The following IL1RAPL2 variants were observed in gnomAD, a reference collection of about 807,000 sequenced individuals.
IL1RAPL2 encodes the protein X-linked interleukin-1 receptor accessory protein-like 2.
In IL1RAPL2, 3 loss-of-function variants were observed where a neutral mutation model predicts 44.1. The observed-to-expected ratio is 0.07, with a 90% CI of 0.03 to 0.18. IL1RAPL2 has a LOEUF of 0.18. IL1RAPL2 is among the 10% of genes least tolerant of loss of function. The pLI is 1.00. For missense variants in IL1RAPL2, 391 were observed against 496.4 expected, an observed-to-expected ratio of 0.79 and a Z score of 2.02; for synonymous variants, 181 against 178.8, an observed-to-expected ratio of 1.01 and a Z score of -0.10.
intron 2 of IL1RAPL2, among the ~76,000 whole-genome samples, chrX:105,009,546 C>G (rs1360645188): frequency 1.1e-5 from 1 of 93,313 alleles, no homozygotes; most frequent in African/African-American, 4.2e-5. Flanking sequence ...GGGAATTGAA[C>G]AATGAGAACA....
At chrX:105,032,405 C>T (rs2031522249) in intron 2 of IL1RAPL2, among the ~76,000 whole-genome samples, 1 of 108,388 alleles carries the variant, frequency 9.2e-6, no homozygotes, top group African/African-American at 3.4e-5. Context: ...TGAATGTGTC[C>T]CAGAGATTCT....
chrX:105,033,699 G>T (rs1350886608), intron 2 of IL1RAPL2, among the ~76,000 whole-genome samples: 2 of 110,692 alleles, frequency 1.8e-5, no homozygotes, highest in Non-Finnish European at 3.8e-5. Flanking sequence ...ACAATTATAT[G>T]TCTTGGAGTT....
intron 2 of IL1RAPL2, among the ~76,000 whole-genome samples, chrX:104,667,366 TG>T (rs1930502396): frequency 9.0e-6 from 1 of 111,428 alleles, no homozygotes; most frequent in Non-Finnish European, 1.9e-5. Context: ...ATTCAGAAAT[TG>T]ACCAGACATG....
intron 5 of IL1RAPL2, among the ~76,000 whole-genome samples, chrX:105,269,479 G>A (rs1395462571): frequency 9.0e-6 from 1 of 111,015 alleles, no homozygotes; most frequent in Non-Finnish European, 1.9e-5. Context: ...GTTTGATTTT[G>A]TAGAGTGCCT....
At chrX:104,893,715 A>C (rs1407022829) in intron 2 of IL1RAPL2, among the ~76,000 whole-genome samples, 1 of 111,692 alleles carries the variant, frequency 9.0e-6, no homozygotes, top group East Asian at 2.8e-4. Context: ...AATGCAGCAC[A>C]CTGATGGGTC....
At position 105,032,731 on chromosome X, in the gene IL1RAPL2, A is replaced by G. The variant is rs935614102; in HGVS notation, c.83-162744A>G. On this transcript the variant is annotated intron_variant, in intron 2 of 10. Transcript: ENST00000372582. ...ATTTGGGGTGGAGAGTTCTGTAGAT[A>G]TCTATTAGGTTCGCTTGGTACAGAG... 1.5e-4 allele frequency among the ~76,000 whole-genome samples: 17 copies of G among 111,349 alleles called. No homozygotes were observed. In the East Asian group the frequency reaches 3.7e-3, roughly 24 times the overall value.
chrX:104,808,252 A>G (rs1178840466), intron 2 of IL1RAPL2, among the ~76,000 whole-genome samples: 2 of 112,279 alleles, frequency 1.8e-5, no homozygotes, highest in African/African-American at 3.2e-5. Flanking sequence ...TGCTTAAACA[A>G]TAGTTTGTCT....
At chrX:105,108,494 A>ATTTTTTTTTTTTTTTTT (rs71816209) in intron 2 of IL1RAPL2, among the ~76,000 whole-genome samples, 1 of 73,639 alleles carries the variant, frequency 1.4e-5, no homozygotes. Flanking sequence ...CCATGCCCGG[A>ATTTTTTTTTTTTTTTTT]TTTTTTTTTT....
At chrX:104,651,828 G>A (rs1376194230) in intron 1 of IL1RAPL2, among the ~76,000 whole-genome samples, 1 of 111,750 alleles carries the variant, frequency 8.9e-6, no homozygotes, top group African/African-American at 3.2e-5. Context: ...AAAGTTCAGA[G>A]CCTACATAAT....
chrX:105,702,187 A>G (rs2038124878), intron 6 of IL1RAPL2, among the ~76,000 whole-genome samples: 1 of 111,425 alleles, frequency 9.0e-6, no homozygotes, highest in South Asian at 3.7e-4. Context: ...AGCTGGGTGT[A>G]TTTGACTGCA....
chrX:105,585,408 G>A (rs767512350), intron 6 of IL1RAPL2, among the ~76,000 whole-genome samples: 1 of 109,413 alleles, frequency 9.1e-6, no homozygotes, highest in South Asian at 4.0e-4. Flanking sequence ...GGATGTGCAG[G>A]TTTGTTACAT....
chrX:105,025,451 C>T (rs1406148619), intron 2 of IL1RAPL2, among the ~76,000 whole-genome samples: 1 of 111,128 alleles, frequency 9.0e-6, no homozygotes, highest in Non-Finnish European at 1.9e-5. Flanking sequence ...TGTTTCTGGC[C>T]TGCCGCTAAA....
At chrX:104,732,512 T>A (rs1254259602) in intron 2 of IL1RAPL2, among the ~76,000 whole-genome samples, 1 of 111,331 alleles carries the variant, frequency 9.0e-6, no homozygotes, top group African/African-American at 3.3e-5. Flanking sequence ...AATAAATAAA[T>A]CATAGAATTG....
At chrX:105,498,514 C>T (rs1922236318) in intron 6 of IL1RAPL2, among the ~76,000 whole-genome samples, 1 of 111,124 alleles carries the variant, frequency 9.0e-6, no homozygotes, top group Admixed American at 9.6e-5. Flanking sequence ...ATTCCAGTGA[C>T]ATATTTTTTT....
chrX:104,855,387 G>A (rs1026523339), intron 2 of IL1RAPL2, among the ~76,000 whole-genome samples: 1 of 111,132 alleles, frequency 9.0e-6, no homozygotes, highest in African/African-American at 3.3e-5. Context: ...ATGGGGTAAG[G>A]GAATGGCAAT....
At chrX:104,578,592 G>A (rs896553115) in intron 1 of IL1RAPL2, among the ~76,000 whole-genome samples, 1 of 111,627 alleles carries the variant, frequency 9.0e-6, no homozygotes, top group African/African-American at 3.3e-5. Context: ...AAGAGATACA[G>A]GCAACAGGGA....
At chrX:105,004,406 C>T (rs768259032) in intron 2 of IL1RAPL2, among the ~76,000 whole-genome samples, 17 of 110,375 alleles carry the variant, frequency 1.5e-4, no homozygotes, top group Admixed American at 9.7e-5. Flanking sequence ...AAAACTTTTA[C>T]GATGCATGAG....
chrX:104,726,855 CT>C (rs1256215821), intron 2 of IL1RAPL2, among the ~76,000 whole-genome samples: 2 of 110,445 alleles, frequency 1.8e-5, no homozygotes, highest in East Asian at 5.7e-4. Context: ...TGTTTCTACC[CT>C]TGTTGTTTTT....
At chrX:105,370,316 TG>T (rs1167890935) in intron 5 of IL1RAPL2, among the ~76,000 whole-genome samples, 1 of 111,739 alleles carries the variant, frequency 8.9e-6, no homozygotes, top group Non-Finnish European at 1.9e-5. Flanking sequence ...CAGATTATTT[TG>T]TCACCCAGGT....
Sources: gnomAD v4.1 joint callset for allele counts (sites outside exome capture counted in the v4.1 genomes callset) on GRCh38, gnomAD v4.1.1 for gene constraint, MANE v1.5 for transcripts, NCBI Gene and HGNC (gene_info 2026-07-23, HGNC 2026-07-21) for gene names.